Variants in SCG5 observed in about 807,000 individuals in gnomAD.
The protein encoded by SCG5 is neuroendocrine protein 7B2.
SCG5 carries 18 observed loss-of-function variants against 25.7 expected under a neutral mutation model. That is an observed-to-expected ratio of 0.70 (90% confidence interval 0.48 to 1.04). The LOEUF (loss-of-function observed/expected upper bound fraction) is 1.04. SCG5 is among the 50% of genes least tolerant of loss of function. SCG5 has a pLI of 0.00. For missense variants in SCG5, 206 were observed against 259.8 expected (o/e 0.79, Z 1.42); for synonymous variants, 101 against 91.7 (o/e 1.10, Z -0.58).
chr15:32,667,580 T>A (rs2054340840), intron 2 of SCG5, among the ~76,000 whole-genome samples: 1 of 152,226 alleles, frequency 6.6e-6, no homozygotes, highest in South Asian at 2.1e-4. Flanking sequence ...TTTGAGTCTA[T>A]CTCTTTTAAC....
intron 5 of SCG5, among the ~76,000 whole-genome samples, chr15:32,695,580 C>CT: frequency 6.6e-6 from 1 of 152,088 alleles, no homozygotes; most frequent in Non-Finnish European, 1.5e-5. Flanking sequence ...CGGAAGCTTC[C>CT]TTTTTTGCTT....
At chr15:32,676,581 C>G (rs1265958330) in intron 2 of SCG5, among the ~76,000 whole-genome samples, 3 of 152,156 alleles carry the variant, frequency 2.0e-5, no homozygotes, top group African/African-American at 7.2e-5. Flanking sequence ...ACTGATATGT[C>G]TAACCTTTGC....
At chr15:32,660,118 G>A (rs966543302) in intron 2 of SCG5, among the ~76,000 whole-genome samples, 7 of 152,136 alleles carry the variant, frequency 4.6e-5, no homozygotes, top group African/African-American at 1.2e-4. Context: ...AGAATTTTTG[G>A]CAGTCGTCTA....
intron 2 of SCG5, among the ~76,000 whole-genome samples, chr15:32,670,226 C>T (rs2054396450): frequency 6.6e-6 from 1 of 152,252 alleles, no homozygotes; most frequent in Non-Finnish European, 1.5e-5. Flanking sequence ...TATCTGCCAA[C>T]AGGCTCAACC....
At chr15:32,657,220 T>TATATATATA (rs71113464) in intron 2 of SCG5, among the ~76,000 whole-genome samples, 22 of 106,542 alleles carry the variant, frequency 2.1e-4, no homozygotes, top group East Asian at 5.6e-4. Flanking sequence ...TATGTATGTA[T>TATATATATA]TTCCAGGTGT....
At chr15:32,691,841 G>A (rs781072212) in intron 5 of SCG5, 78 bp downstream of exon 5, 9 of 1,567,096 alleles carry the variant, frequency 5.7e-6, no homozygotes, top group Non-Finnish European at 4.3e-6. Context: ...TGAAACCCTC[G>A]CTTGTTGGGA....
chr15:32,679,083 C>T lies in SCG5; in HGVS notation c.227-683C>T, dbSNP rs1484131627. Among the ~76,000 whole-genome samples the T allele has an allele frequency of 4.6e-5, 7 of 152,204 alleles. No homozygotes were observed. The East Asian group carries it at 5.8e-4, about 13-fold the overall frequency. ...TGACCCAAGTCCTGCCCAAGCTCCA[C>T]GCCCAGCTTCCAGAGCCCTACCCAT... On this transcript the variant is annotated intron_variant, in intron 2 of 5. Coordinates refer to ENST00000300175, the MANE Select transcript of SCG5 (RefSeq NM_001144757.3).
chr15:32,680,704 T>C (rs2054604749), intron 3 of SCG5, among the ~76,000 whole-genome samples: 1 of 152,126 alleles, frequency 6.6e-6, no homozygotes, highest in Non-Finnish European at 1.5e-5. Flanking sequence ...TCCTGTTTAT[T>C]TGGGGGCCAG....
At chr15:32,685,340 T>A (rs11634570) in intron 4 of SCG5, among the ~76,000 whole-genome samples, 37,284 of 152,130 alleles carry the variant, frequency 0.25, 5,607 homozygotes, top group Non-Finnish European at 0.35. Context: ...GCCAGCTTGA[T>A]GAGGGAAATG....
intron 2 of SCG5, among the ~76,000 whole-genome samples, chr15:32,670,096 G>A (rs1311988383): frequency 6.6e-6 from 1 of 152,160 alleles, no homozygotes; most frequent in East Asian, 1.9e-4. Context: ...GTTGGCTTTG[G>A]TCCCCAAGGA....
rs61397068 is a variant in SCG5, at chr15:32,696,263, A to G, written c.544-251A>G. 0.063 allele frequency among the ~76,000 whole-genome samples: 9,569 copies of G among 151,932 alleles called. 849 individuals are homozygous for G. Among genetic ancestry groups the G allele is most frequent in the African/African-American group, 0.2 (8,304 of 41,398 alleles). On this transcript the variant is annotated intron_variant, in intron 5 of 5. Coordinates refer to ENST00000300175, the MANE Select transcript of SCG5 (RefSeq NM_001144757.3). ...CTCCCAAGTAGCTGGGACTACAGGC[A>G]CCCACCACCACGCCCGGCTAATTTT...
intron 5 of SCG5, among the ~76,000 whole-genome samples, chr15:32,696,195 G>A (rs189324773): frequency 9.4e-4 from 143 of 152,062 alleles, no homozygotes; most frequent in Non-Finnish European, 1.3e-3. Context: ...TCTGCTCACT[G>A]CAAGCTCCGC....
intron 2 of SCG5, among the ~76,000 whole-genome samples, chr15:32,655,311 A>C: frequency 6.8e-6 from 1 of 146,748 alleles, no homozygotes; most frequent in African/African-American, 2.5e-5. Flanking sequence ...CTGTCTGAAC[A>C]AAAAAAAAAA....
chr15:32,644,960 G>T (rs958466998), intron 2 of SCG5, among the ~76,000 whole-genome samples: 8 of 152,192 alleles, frequency 5.3e-5, no homozygotes, highest in Admixed American at 5.2e-4. Flanking sequence ...TTAAGCCATT[G>T]AGTAAAACTA....
intron 2 of SCG5, among the ~76,000 whole-genome samples, chr15:32,678,553 T>C (rs1416662618): frequency 6.6e-6 from 1 of 152,216 alleles, no homozygotes; most frequent in Non-Finnish European, 1.5e-5. Flanking sequence ...TGTGAGAATG[T>C]TGCAAAAGTT....
At chr15:32,652,702 A>T (rs2054052158) in intron 2 of SCG5, among the ~76,000 whole-genome samples, 1 of 152,236 alleles carries the variant, frequency 6.6e-6, no homozygotes, top group Non-Finnish European at 1.5e-5. Context: ...CTCAATTAAA[A>T]TAAGAATACA....
chr15:32,694,316 A>T (rs2054916682), intron 5 of SCG5, among the ~76,000 whole-genome samples: 1 of 152,212 alleles, frequency 6.6e-6, no homozygotes, highest in Non-Finnish European at 1.5e-5. Context: ...TTCTCCTCAA[A>T]GTTGCAACCA....
chr15:32,659,655 C>T (rs2054184177), intron 2 of SCG5, among the ~76,000 whole-genome samples: 1 of 152,180 alleles, frequency 6.6e-6, no homozygotes, highest in Non-Finnish European at 1.5e-5. Context: ...TGCAGAAGCC[C>T]AGGGGACCTT....
intron 2 of SCG5, among the ~76,000 whole-genome samples, chr15:32,655,151 ACAAAAAATTAG>A (rs1417697345): frequency 6.6e-6 from 1 of 152,112 alleles, no homozygotes; most frequent in African/African-American, 2.4e-5. Context: ...TACTAACAAT[ACAAAAAATTAG>A]CTGGACGTGG....
Sources: allele counts gnomAD v4.1 joint callset (sites outside exome capture counted in the v4.1 genomes callset), GRCh38; gene constraint gnomAD v4.1.1; transcripts MANE v1.5; gene names NCBI Gene and HGNC (gene_info 2026-07-23, HGNC 2026-07-21).